Variants in SSH2 observed in about 807,000 individuals in gnomAD.
The protein encoded by SSH2 is slingshot protein phosphatase 2.
Under a neutral mutation model 135.2 loss-of-function variants are expected in SSH2, and 37 were observed. That is an observed-to-expected ratio of 0.27 (90% CI 0.21 to 0.36). The LOEUF (loss-of-function observed/expected upper bound fraction) is 0.36. Ranked by LOEUF, SSH2 falls within the 10% of genes least tolerant of loss-of-function variation. The pLI is 1.00. For synonymous variants in SSH2, 628 were observed against 646.2 expected, an observed-to-expected ratio of 0.97 and a Z score of 0.43; for missense variants, 1,408 against 1,765.3, an observed-to-expected ratio of 0.80 and a Z score of 3.63.
chr17:29,744,370 G>C (rs2040682796), intron 3 of SSH2, among the ~76,000 whole-genome samples: 1 of 152,154 alleles, frequency 6.6e-6, no homozygotes, highest in Non-Finnish European at 1.5e-5. Flanking sequence ...TGAGGAGCCT[G>C]CTGGTCCCGG....
rs2036865131 is a variant in SSH2, at chr17:29,658,048, G to A, written c.1033-2441C>T. Among the ~76,000 whole-genome samples the A allele has an allele frequency of 2.0e-5, 3 of 150,400 alleles. No individual in the cohort carries two copies. The South Asian group carries it at 6.3e-4, about 32-fold the overall frequency. On this transcript the variant is annotated intron_variant, in intron 11 of 15. Coordinates refer to ENST00000540801, the MANE Select transcript of SSH2 (RefSeq NM_001282129.2). The stretch of plus-strand genomic sequence containing the variant: ...AGACAGAGTTTCACTCTGTTGCCCA[G>A]GCTGGAGTGCAATGGCACAATCTCG...
rs554954141 is a variant in SSH2 at position 29,630,585 on chromosome 17, C to T, written c.*256G>A. Reference sequence around the variant, plus strand: ...AATTTGCCTTTGATAAAGGTGTTCTCTGAAAATGACTTTTTTGAGGTTTGA... The same window carrying T: ...AATTTGCCTTTGATAAAGGTGTTCTTTGAAAATGACTTTTTTGAGGTTTGA... On this transcript the variant is annotated 3_prime_UTR_variant, in exon 16 of 16. Transcript: ENST00000540801. 14 of 289,902 alleles carry T rather than the reference C, an allele frequency of 4.8e-5. No homozygotes were observed. Among genetic ancestry groups the T allele is most frequent in the African/African-American group, 2.8e-4 (13 of 46,118 alleles). 18.0% of individuals were successfully genotyped at this position (289,902 alleles called of 1,614,324 possible).
rs749665243 is a variant in SSH2, at chr17:29,631,758, T to G, written c.3436A>C (p.Ser1146Arg). 4.3e-6 allele frequency: 7 copies of G among 1,614,234 alleles called. No homozygotes were observed. Among genetic ancestry groups the G allele is most frequent in the Non-Finnish European group, 4.2e-6 (5 of 1,180,044 alleles). The change falls in exon 16 of 16, where the codon AGT (serine) becomes CGT (arginine). Residue 1146 changes from serine (S) to arginine (R), a missense_variant. By Grantham distance (110) the Ser-to-Arg change is moderately radical (BLOSUM62 -1). Coordinates refer to ENST00000540801, the MANE Select transcript of SSH2 (RefSeq NM_001282129.2). ...GCAGACAGTAAATGGGTTGTATGAC[T>G]GACAAAAGGTGCTGCTGTCTCCAGG... Reference protein sequence around the residue: ...TALETAAPFVSHTTHLLSASL... With the variant: ...TALETAAPFVRHTTHLLSASL...
chr17:29,662,248 T>C, intron 11 of SSH2, among the ~76,000 whole-genome samples: 1 of 152,176 alleles, frequency 6.6e-6, no homozygotes, highest in Non-Finnish European at 1.5e-5. Flanking sequence ...TTTCATGCTA[T>C]CCTCAGGAAA....
In SSH2 at chr17:29,627,867, A is replaced by C. The variant is rs112952308; in HGVS notation, c.*2974T>G. On this transcript the variant is annotated 3_prime_UTR_variant, in exon 16 of 16. Transcript: ENST00000540801. ...ACATCAACTGTTTTTATATATGTAC[A>C]TATGTGTACACATGCACATACACTC... 6.6e-6 allele frequency: 1 copy of C among 152,214 alleles called. No homozygotes were observed. Among genetic ancestry groups the C allele is most frequent in the African/African-American group, 2.4e-5 (1 of 41,436 alleles). The allele number at this position is 152,214 out of a possible 1,614,324, so 9.4% of individuals were successfully genotyped here. A position where few individuals can be genotyped will look rare whatever the true frequency, so the allele number is the denominator to read the frequency against.
chr17:29,829,481 T>C (rs923927025), intron 2 of SSH2, among the ~76,000 whole-genome samples: 9 of 152,022 alleles, frequency 5.9e-5, no homozygotes, highest in African/African-American at 1.9e-4. Flanking sequence ...TGTGTGTGTG[T>C]GTGTCTGTAC....
At chr17:29,875,496 C>T (rs2066011956) in intron 1 of SSH2, among the ~76,000 whole-genome samples, 1 of 152,142 alleles carries the variant, frequency 6.6e-6, no homozygotes, top group African/African-American at 2.4e-5. Context: ...GTCTCTTCTC[C>T]ACACAGCATC....
intron 2 of SSH2, among the ~76,000 whole-genome samples, chr17:29,820,300 T>C (rs2042629914): frequency 6.6e-6 from 1 of 152,242 alleles, no homozygotes; most frequent in Admixed American, 6.5e-5. Context: ...TTAAAAAGCC[T>C]GTGTGAGCAA....
At chr17:29,705,753 A>G (rs1405622360) in intron 3 of SSH2, among the ~76,000 whole-genome samples, 11 of 151,908 alleles carry the variant, frequency 7.2e-5, no homozygotes, top group East Asian at 1.9e-4. Flanking sequence ...TGTTTGAGGG[A>G]CTTTGTGCTT....
intron 14 of SSH2, among the ~76,000 whole-genome samples, chr17:29,646,307 A>G (rs959456341): frequency 2.0e-4 from 31 of 152,300 alleles, no homozygotes; most frequent in African/African-American, 7.5e-4. Flanking sequence ...CGATATAGGA[A>G]GACATTCAAG....
intron 1 of SSH2, among the ~76,000 whole-genome samples, chr17:29,910,827 G>GA (rs1328498009): frequency 1.3e-5 from 2 of 151,642 alleles, no homozygotes; most frequent in Admixed American, 6.6e-5. Flanking sequence ...AATTCAAACT[G>GA]AAAAAAAATA....
At chr17:29,638,995 AAC>A (rs2036035328) in intron 14 of SSH2, among the ~76,000 whole-genome samples, 1 of 152,256 alleles carries the variant, frequency 6.6e-6, no homozygotes, top group Admixed American at 6.5e-5. Flanking sequence ...TAGGATGAAG[AAC>A]TGATGGTAAG....
intron 1 of SSH2, among the ~76,000 whole-genome samples, chr17:29,862,684 C>T (rs1162895466): frequency 6.6e-6 from 1 of 152,200 alleles, no homozygotes; most frequent in East Asian, 1.9e-4. Context: ...AGTCAAGATA[C>T]TCATGCCACA....
At chr17:29,824,469 G>A (rs1036213476) in intron 2 of SSH2, among the ~76,000 whole-genome samples, 3 of 152,124 alleles carry the variant, frequency 2.0e-5, no homozygotes, top group African/African-American at 7.2e-5. Context: ...AAGCCTCCCA[G>A]ACTCCCAAGC....
chr17:29,903,058 C>A (rs183662406), intron 1 of SSH2, among the ~76,000 whole-genome samples: 1 of 151,724 alleles, frequency 6.6e-6, no homozygotes, highest in South Asian at 2.1e-4. Flanking sequence ...TGGTGCCGGG[C>A]GCCTGTAGTC....
intron 2 of SSH2, among the ~76,000 whole-genome samples, chr17:29,803,626 C>T (rs536241424): frequency 2.6e-5 from 4 of 152,240 alleles, no homozygotes; most frequent in East Asian, 1.9e-4. Context: ...AGATTCCCTT[C>T]GCACAATAGC....
chr17:29,819,662 G>A (rs2042618907), intron 2 of SSH2, among the ~76,000 whole-genome samples: 2 of 152,170 alleles, frequency 1.3e-5, no homozygotes, highest in African/African-American at 4.8e-5. Context: ...ATGTGAACAC[G>A]TGCACATTCA....
rs1199390091 is a variant in SSH2 at position 29,738,555 on chromosome 17, A to AT, written c.189-35494dup. On this transcript the variant is annotated intron_variant, in intron 3 of 15. Coordinates refer to ENST00000540801, the MANE Select transcript of SSH2 (RefSeq NM_001282129.2). ...TTTCTTTTTTTTTCTTTTTTATTTT[A>AT]TTTTATTTTTTTTTTTGAGACGGAG... Among the ~76,000 whole-genome samples, 12 of 145,690 alleles carry AT rather than the reference A, an allele frequency of 8.2e-5. No individual in the cohort carries two copies. The East Asian group carries it at 2.0e-3, about 24-fold the overall frequency.
intron 3 of SSH2, chr17:29,775,759 C>T (rs1224021090): frequency 6.6e-6 from 1 of 152,208 alleles, no homozygotes; most frequent in Non-Finnish European, 1.5e-5. Flanking sequence ...CATTACAAGT[C>T]ATCAGTACTC....
Sources: allele counts gnomAD v4.1 joint callset (sites outside exome capture counted in the v4.1 genomes callset), GRCh38; gene constraint gnomAD v4.1.1; transcripts MANE v1.5; gene names NCBI Gene and HGNC (gene_info 2026-07-23, HGNC 2026-07-21).